FILIP1L: variants seen among roughly 807,000 people sequenced by gnomAD.
FILIP1L encodes filamin A interacting protein 1 like.
Under a neutral mutation model 96.6 loss-of-function variants are expected in FILIP1L, and 55 were observed. That is an observed-to-expected ratio of 0.57 (90% CI 0.46 to 0.71). The LOEUF (loss-of-function observed/expected upper bound fraction) is 0.71, where lower values mean the gene tolerates loss of function less well. Ranked by LOEUF, FILIP1L falls within the 30% of genes least tolerant of loss-of-function variation. The pLI is 0.00. For synonymous variants in FILIP1L, 467 were observed against 473.9 expected (o/e 0.99, Z 0.19); for missense variants, 1,304 against 1,321.2 (o/e 0.99, Z 0.20).
intron 4 of FILIP1L, among the ~76,000 whole-genome samples, chr3:99,907,474 C>G (rs1706655870): frequency 6.6e-6 from 1 of 152,066 alleles, no homozygotes. Context: ...GTCTTGATCT[C>G]CTGACCTCAT....
At chr3:99,974,262 G>A (rs1278964756) in intron 1 of FILIP1L, among the ~76,000 whole-genome samples, 1 of 152,160 alleles carries the variant, frequency 6.6e-6, no homozygotes, top group Non-Finnish European at 1.5e-5. Flanking sequence ...TATACAGTTC[G>A]TGCTTTCAAG....
chr3:99,881,722 G>A (rs142142434), intron 4 of FILIP1L, among the ~76,000 whole-genome samples: 2,391 of 152,092 alleles, frequency 0.016, 38 homozygotes, highest in Non-Finnish European at 0.024. Flanking sequence ...TAGTAAAGAC[G>A]GGGTTTCACC....
chr3:99,986,459 A>G (rs552373105), intron 1 of FILIP1L, among the ~76,000 whole-genome samples: 3 of 152,234 alleles, frequency 2.0e-5, no homozygotes, highest in Non-Finnish European at 2.9e-5. Context: ...TTTTAGACAT[A>G]CTAGTGACGG....
intron 1 of FILIP1L, among the ~76,000 whole-genome samples, chr3:99,998,959 C>A (rs1238377650): frequency 1.3e-5 from 2 of 152,184 alleles, no homozygotes; most frequent in Non-Finnish European, 1.5e-5. Context: ...AAGCACACAC[C>A]CAGAGAAAAC....
chr3:99,993,735 A>G (rs987919153), intron 1 of FILIP1L, among the ~76,000 whole-genome samples: 11 of 152,080 alleles, frequency 7.2e-5, no homozygotes, highest in African/African-American at 2.7e-4. Flanking sequence ...TTGAGATAAT[A>G]CAGTTTTTGT....
At chr3:99,920,692 CTTACTGA>C in intron 4 of FILIP1L, among the ~76,000 whole-genome samples, 1 of 152,274 alleles carries the variant, frequency 6.6e-6, no homozygotes, top group African/African-American at 2.4e-5. Flanking sequence ...AAGCCAATTG[CTTACTGA>C]TTACGACAGC....
Position 100,064,398 on chromosome 3 carries a change from CT to C in FILIP1L, c.-11+49654del, listed in dbSNP as rs527292402. ...AGCTAATCCTGACCCCCCCAACACC[CT>C]TTTTTTTTTTTCAACATTAAAGCCA... On this transcript the variant is annotated intron_variant, in intron 1 of 5. Coordinates refer to ENST00000477258, the MANE Select transcript of FILIP1L (RefSeq NM_001387850.1). Among the ~76,000 whole-genome samples the C allele has an allele frequency of 1.1e-3, 159 of 145,930 alleles. 1 individual carries two copies. The highest frequency in any genetic ancestry group is 2.1e-3 in the Admixed American group (31 of 14,608).
intron 4 of FILIP1L, among the ~76,000 whole-genome samples, chr3:99,912,794 G>A (rs1451033224): frequency 2.6e-5 from 4 of 152,180 alleles, no homozygotes; most frequent in Non-Finnish European, 5.9e-5. Flanking sequence ...TGACTATCAT[G>A]AATAATGCTG....
At chr3:99,971,148 T>A (rs371740660) in intron 1 of FILIP1L, among the ~76,000 whole-genome samples, 2 of 152,030 alleles carry the variant, frequency 1.3e-5, no homozygotes, top group East Asian at 1.9e-4. Flanking sequence ...CCATCCTGGC[T>A]AACATGGTGA....
At position 99,921,703 on chromosome 3, in the gene FILIP1L, A is replaced by G. The variant is rs570244118; in HGVS notation, c.605+2527T>C. ...ATTATTCTTCAAGGTAAAGAATCCT[A>G]TAAAGGAAACTTTATATCCTATAAA... On this transcript the variant is annotated intron_variant, in intron 4 of 5. Coordinates refer to ENST00000477258, the MANE Select transcript of FILIP1L (RefSeq NM_001387850.1). 3.9e-5 allele frequency among the ~76,000 whole-genome samples: 6 copies of G among 152,348 alleles called. No homozygotes were observed. In the East Asian group the frequency reaches 9.6e-4, roughly 24 times the overall value.
intron 1 of FILIP1L, among the ~76,000 whole-genome samples, chr3:99,991,064 A>G (rs1709496333): frequency 6.6e-6 from 1 of 152,186 alleles, no homozygotes; most frequent in East Asian, 1.9e-4. Flanking sequence ...CGTAAGGACA[A>G]ATGTCACTGG....
chr3:100,032,759 A>G (rs2065041567), intron 1 of FILIP1L, among the ~76,000 whole-genome samples: 1 of 152,200 alleles, frequency 6.6e-6, no homozygotes, highest in African/African-American at 2.4e-5. Flanking sequence ...CTCACTTATA[A>G]CAATTGCATA....
At chr3:99,922,246 G>A (rs1707148599) in intron 4 of FILIP1L, among the ~76,000 whole-genome samples, 1 of 152,182 alleles carries the variant, frequency 6.6e-6, no homozygotes, top group African/African-American at 2.4e-5. Context: ...GGCCAAATGA[G>A]GCCACTAGTG....
intron 1 of FILIP1L, among the ~76,000 whole-genome samples, chr3:99,982,353 T>G (rs1054097827): frequency 6.6e-6 from 1 of 152,016 alleles, no homozygotes; most frequent in Non-Finnish European, 1.5e-5. Flanking sequence ...TACTTTTTTT[T>G]TTTTGAGACA....
At chr3:99,900,919 A>G (rs187401408) in intron 4 of FILIP1L, among the ~76,000 whole-genome samples, 1 of 152,314 alleles carries the variant, frequency 6.6e-6, no homozygotes, top group East Asian at 1.9e-4. Flanking sequence ...GCCCTAGAGT[A>G]TGCCTGAGGG....
At chr3:100,070,694 C>T (rs1382277441) in intron 1 of FILIP1L, among the ~76,000 whole-genome samples, 2 of 152,134 alleles carry the variant, frequency 1.3e-5, no homozygotes, top group Admixed American at 1.3e-4. Context: ...TGCAGTGGCG[C>T]AATCTCGGCT....
chr3:99,998,001 G>T (rs185126305), intron 1 of FILIP1L, among the ~76,000 whole-genome samples: 2 of 152,194 alleles, frequency 1.3e-5, no homozygotes, highest in Non-Finnish European at 2.9e-5. Context: ...TCCTGCTAGA[G>T]CATAGAGCTA....
At chr3:99,929,237 G>T (rs377092050) in intron 3 of FILIP1L, among the ~76,000 whole-genome samples, 49 of 152,330 alleles carry the variant, frequency 3.2e-4, no homozygotes, top group African/African-American at 1.2e-3. Context: ...CCTAGTGGTG[G>T]CCCTGTTGGG....
chr3:100,085,449 C>T (rs1394870491), intron 1 of FILIP1L, among the ~76,000 whole-genome samples: 1 of 152,122 alleles, frequency 6.6e-6, no homozygotes, highest in Admixed American at 6.6e-5. Context: ...ATGCTTTCTC[C>T]AAGTGCTTGT....
Sources: gnomAD v4.1 joint callset for allele counts (sites outside exome capture counted in the v4.1 genomes callset) on GRCh38, gnomAD v4.1.1 for gene constraint, MANE v1.5 for transcripts, NCBI Gene and HGNC (gene_info 2026-07-23, HGNC 2026-07-21) for gene names.